The following PDE10A variants were observed in gnomAD, a reference collection of about 807,000 sequenced individuals.
The protein encoded by PDE10A is cAMP and cAMP-inhibited cGMP 3',5'-cyclic phosphodiesterase 10A.
PDE10A carries 39 observed loss-of-function variants against 97.7 expected under a neutral mutation model. The observed-to-expected ratio is 0.40, with a 90% CI of 0.31 to 0.52. The LOEUF is 0.52. PDE10A is among the 20% of genes least tolerant of loss of function. The pLI, the probability that PDE10A is intolerant of heterozygous loss-of-function variation, is 0.56. For missense variants in PDE10A, 731 were observed against 1,047.8 expected (o/e 0.70, Z 4.17); for synonymous variants, 371 against 376.8 (o/e 0.98, Z 0.18).
intron 3 of PDE10A, among the ~76,000 whole-genome samples, chr6:165,467,744 A>T (rs909040538): frequency 2.0e-5 from 3 of 152,240 alleles, no homozygotes; most frequent in Non-Finnish European, 4.4e-5. Flanking sequence ...ATGATGACAA[A>T]GGATTTAGAA....
At position 165,435,260 on chromosome 6, in the gene PDE10A, G is replaced by A. The variant is rs1789916974; in HGVS notation, c.1312C>T (p.Leu438=). 1 of 1,614,008 alleles carries A rather than the reference G, an allele frequency of 6.2e-7. No homozygotes were observed. The highest frequency in any genetic ancestry group is 8.5e-7 in the Non-Finnish European group (1 of 1,179,896). Residue 438 remains leucine, a synonymous_variant, in exon 6 of 22, where the codon CTG becomes TTG. Transcript: ENST00000539869. ...ACTCCAAGGATGTCTTCTACTAGCA[G>A]TGTTTTCCTGGACTTGGCCACATAA... is the stretch of plus-strand genomic sequence containing the variant. The part of the protein sequence containing the change: ...SAYVAKSRKT[L]LVEDILGDER...
chr6:165,428,623 T>A (rs932192301), intron 10 of PDE10A, 35 bp downstream of exon 10: 2 of 965,800 alleles, frequency 2.1e-6, no homozygotes, highest in Non-Finnish European at 3.3e-6. Context: ...GCCTAAGGGT[T>A]AAACAGAATC....
In PDE10A at chr6:165,728,883, T is replaced by C. The variant is rs181255572; in HGVS notation, c.-614-185315A>G. 3.3e-4 allele frequency among the ~76,000 whole-genome samples: 51 copies of C among 152,292 alleles called. No individual in the cohort carries two copies. The East Asian group carries it at 4.8e-3, about 14-fold the overall frequency. ...ACTTTGCTTTACTGCCTAATTTATA[T>C]TATGTAAGAGTTATATATACACATA... On this transcript the variant is annotated intron_variant, in intron 1 of 19. Coordinates refer to the PDE10A transcript ENST00000366882.
intron 13 of PDE10A, among the ~76,000 whole-genome samples, chr6:165,402,670 T>C (rs1335280700): frequency 1.3e-5 from 2 of 152,164 alleles, no homozygotes; most frequent in Non-Finnish European, 2.9e-5. Context: ...CACGAGGATA[T>C]TGAAAAGGTA....
At chr6:165,867,603 G>A (rs1161772129) in intron 1 of PDE10A, among the ~76,000 whole-genome samples, 1 of 151,930 alleles carries the variant, frequency 6.6e-6, no homozygotes, top group Non-Finnish European at 1.5e-5. Flanking sequence ...CTCGCTCTCA[G>A]CACTTGACAT....
Position 165,332,740 on chromosome 6 carries a change from T to C in PDE10A, c.*285A>G. On this transcript the variant is annotated 3_prime_UTR_variant, in exon 22 of 22. Transcript: ENST00000539869. ...ATTTCCTTTAAGGCCTCAGCAATAT[T>C]AGCCTATTAGAAAAGGCTGGTTTGC... The C allele has an allele frequency of 2.4e-6, 1 of 412,490 alleles. No homozygotes were observed. The highest frequency in any genetic ancestry group is 3.7e-5 in the South Asian group (1 of 27,242). 25.6% of individuals were successfully genotyped at this position (412,490 alleles called of 1,614,324 possible). A position where few individuals can be genotyped will look rare whatever the true frequency, so the allele number is the denominator to read the frequency against.
intron 1 of PDE10A, among the ~76,000 whole-genome samples, chr6:165,683,947 A>G (rs1057508153): frequency 2.0e-5 from 3 of 152,112 alleles, no homozygotes; most frequent in Non-Finnish European, 4.4e-5. Context: ...CCTCAGATAT[A>G]CCAGGTACTG....
intron 1 of PDE10A, among the ~76,000 whole-genome samples, chr6:165,558,068 T>C (rs1338760080): frequency 6.6e-6 from 1 of 152,134 alleles, no homozygotes; most frequent in Non-Finnish European, 1.5e-5. Flanking sequence ...GATCTAGAAC[T>C]AGAAATACCA....
At chr6:165,682,004 C>T (rs564702208) in intron 1 of PDE10A, among the ~76,000 whole-genome samples, 15 of 152,216 alleles carry the variant, frequency 9.9e-5, no homozygotes, top group Admixed American at 3.9e-4. Context: ...TTTCATATAG[C>T]TATCGTGAAC....
intron 1 of PDE10A, among the ~76,000 whole-genome samples, chr6:165,732,373 C>T (rs1792460464): frequency 6.6e-6 from 1 of 152,206 alleles, no homozygotes; most frequent in South Asian, 2.1e-4. Flanking sequence ...ACCCTGGGGG[C>T]AGGTGGCCGA....
chr6:165,687,261 C>G (rs935142808), intron 1 of PDE10A, among the ~76,000 whole-genome samples: 4 of 152,234 alleles, frequency 2.6e-5, no homozygotes, highest in Non-Finnish European at 2.9e-5. Context: ...AGTTTCATAT[C>G]CACGTGAGAA....
At chr6:165,480,763 C>T (rs896716829) in intron 3 of PDE10A, among the ~76,000 whole-genome samples, 8 of 152,038 alleles carry the variant, frequency 5.3e-5, no homozygotes, top group East Asian at 3.9e-4. Context: ...AAAGGTTGCC[C>T]GAGGAATTTC....
intron 5 of PDE10A, among the ~76,000 whole-genome samples, chr6:165,444,931 A>G (rs1424613335): frequency 6.6e-6 from 1 of 152,098 alleles, no homozygotes; most frequent in Non-Finnish European, 1.5e-5. Context: ...GTTGATAGGG[A>G]CAGAAAATTT....
chr6:165,590,545 T>C, intron 1 of PDE10A, among the ~76,000 whole-genome samples: 1 of 152,204 alleles, frequency 6.6e-6, no homozygotes, highest in African/African-American at 2.4e-5. Context: ...GTAGCCTCCT[T>C]TGTACTTCAT....
At chr6:165,493,151 G>A (rs930458332) in intron 2 of PDE10A, among the ~76,000 whole-genome samples, 3 of 152,006 alleles carry the variant, frequency 2.0e-5, no homozygotes, top group African/African-American at 7.2e-5. Context: ...CTGCTACACA[G>A]AAAACTAGAA....
intron 18 of PDE10A, among the ~76,000 whole-genome samples, chr6:165,372,705 C>T (rs1195549772): frequency 7.2e-6 from 1 of 139,018 alleles, no homozygotes. Context: ...CAATGACTTT[C>T]TTCACAGAAT....
intron 5 of PDE10A, among the ~76,000 whole-genome samples, chr6:165,447,372 A>G (rs992116082): frequency 6.6e-6 from 1 of 152,192 alleles, no homozygotes; most frequent in Non-Finnish European, 1.5e-5. Context: ...AGGTTTTAGC[A>G]AAGAATCTGC....
chr6:165,987,352 A>G (rs1031959375), intron 1 of PDE10A, among the ~76,000 whole-genome samples: 7 of 152,042 alleles, frequency 4.6e-5, no homozygotes, highest in Admixed American at 4.6e-4. Context: ...TCCCCCAAAC[A>G]GTCACCTCCA....
At chr6:165,772,157 C>T (rs1214904577) in intron 1 of PDE10A, among the ~76,000 whole-genome samples, 1 of 152,158 alleles carries the variant, frequency 6.6e-6, no homozygotes, top group East Asian at 1.9e-4. Context: ...TTTAGCCCCA[C>T]CGGCAAGTAC....
Sources: gnomAD v4.1 joint callset for allele counts (sites outside exome capture counted in the v4.1 genomes callset) on GRCh38, gnomAD v4.1.1 for gene constraint, MANE v1.5 for transcripts, NCBI Gene and HGNC (gene_info 2026-07-23, HGNC 2026-07-21) for gene names.